ABCA12: variants seen among roughly 807,000 people sequenced by gnomAD.
ABCA12 encodes glucosylceramide transporter ABCA12.
In ABCA12, 156 loss-of-function variants were observed where a neutral mutation model predicts 293.5. That is an observed-to-expected ratio of 0.53 (90% CI 0.47 to 0.61). The LOEUF is 0.61. Ranked by LOEUF, ABCA12 falls within the 20% of genes least tolerant of loss-of-function variation. ABCA12 has a pLI of 0.00. For synonymous variants in ABCA12, 1,063 were observed against 1,108.0 expected (o/e 0.96, Z 0.81); for missense variants, 2,797 against 3,090.2 (o/e 0.91, Z 2.25).
chr2:214,942,699 CATTT>C (rs1340566887), intron 50 of ABCA12, among the ~76,000 whole-genome samples: 1 of 152,092 alleles, frequency 6.6e-6, no homozygotes, highest in Non-Finnish European at 1.5e-5. Flanking sequence ...AACTAAAATA[CATTT>C]ATGAGTTAAA....
At chr2:214,995,702 T>TAA (rs2105982611) in intron 23 of ABCA12, among the ~76,000 whole-genome samples, 1 of 152,320 alleles carries the variant, frequency 6.6e-6, no homozygotes, top group South Asian at 2.1e-4. Flanking sequence ...ATTCATTTCA[T>TAA]AAACACACTG....
At chr2:215,053,065 A>C (rs17430358) in intron 4 of ABCA12, among the ~76,000 whole-genome samples, 1 of 151,852 alleles carries the variant, frequency 6.6e-6, no homozygotes, top group Non-Finnish European at 1.5e-5. Context: ...TCTCTCCTCA[A>C]AGTGGTTTCT....
chr2:215,073,352 G>C (rs1701773887), intron 2 of ABCA12, among the ~76,000 whole-genome samples: 1 of 151,744 alleles, frequency 6.6e-6, no homozygotes, highest in South Asian at 2.1e-4. Context: ...TAGACCCCTA[G>C]AATCTCATTT....
Position 214,953,871 on chromosome 2 carries a change from G to A in ABCA12, c.6630C>T (p.Ser2210=). The part of the protein sequence containing the change: ...FFSLRLLINE[S]LIKKLRLFFR... The stretch of plus-strand genomic sequence containing the variant: ...ATATTTACCTGAGTTTCTTTATCAG[G>A]GATTCGTTGATTAAGAGTCGCAAGG... Residue 2210 remains serine (S), a synonymous_variant, in exon 44 of 53, where the codon TCC becomes TCT. Transcript: ENST00000272895. The A allele has an allele frequency of 6.2e-7, 1 of 1,613,770 alleles. No homozygotes were observed. The highest frequency in any genetic ancestry group is 8.5e-7 in the Non-Finnish European group (1 of 1,179,898).
At chr2:214,949,369 T>C (rs1166146988) in intron 45 of ABCA12, among the ~76,000 whole-genome samples, 1 of 143,420 alleles carries the variant, frequency 7.0e-6, no homozygotes, top group African/African-American at 2.9e-5. Flanking sequence ...TATATATATA[T>C]ATATATATAC....
chr2:215,012,740 TA>T (rs1030313695), intron 15 of ABCA12, among the ~76,000 whole-genome samples: 3 of 152,136 alleles, frequency 2.0e-5, no homozygotes, highest in African/African-American at 7.2e-5. Context: ...GTATATTTAC[TA>T]AAAAAATCAT....
chr2:214,947,182 G>A (rs369368868), intron 48 of ABCA12, among the ~76,000 whole-genome samples: 7 of 152,196 alleles, frequency 4.6e-5, no homozygotes, highest in South Asian at 2.1e-4. Flanking sequence ...CCTTGGAAAC[G>A]CACTAAGCTA....
chr2:215,131,733 T>C (rs1703063277), intron 1 of ABCA12, among the ~76,000 whole-genome samples: 1 of 118,620 alleles, frequency 8.4e-6, no homozygotes, highest in African/African-American at 2.9e-5. Flanking sequence ...GGCCTGAATC[T>C]CCTTTATTTT....
At chr2:215,107,943 G>A (rs1702495808) in intron 2 of ABCA12, among the ~76,000 whole-genome samples, 1 of 152,186 alleles carries the variant, frequency 6.6e-6, no homozygotes, top group Non-Finnish European at 1.5e-5. Context: ...GTGTGTTCTG[G>A]CCTTGCTCTT....
chr2:215,064,171 A>T lies in ABCA12; in HGVS notation c.212T>A (p.Leu71Gln), dbSNP rs776056801. Residue 71 changes from leucine (L) to glutamine (Q), a missense_variant, in exon 3 of 53, where the codon CTG (leucine) becomes CAG (glutamine). This residue lies in a region of ABCA12 where 656 missense variants were observed against 638.2 expected (regional missense o/e 1.03). Transcript: ENST00000272895. ...NLPSTGFFPF[L>Q]QTLLCDTDSK... ...GTCTGTGTCACAGAGTAGGGTCTGC[A>T]GGAATGGAAAGAATCCAGTACTAGG... 3.4e-5 allele frequency: 55 copies of T among 1,612,922 alleles called. No individual in the cohort carries two copies. The Admixed American group carries it at 8.9e-4, about 26-fold the overall frequency.
In ABCA12 at chr2:214,990,967, C is replaced by A. The variant is rs777907152; in HGVS notation, c.3359G>T (p.Gly1120Val). ...HFFAWLIESV[G>V]FLLVTIVILI... Reference sequence around the variant, plus strand: ...GATCACGATGGTAACCAGTAAAAATCCAACACTCTCTATAAGCCAGGCAAA... The same window carrying A: ...GATCACGATGGTAACCAGTAAAAATACAACACTCTCTATAAGCCAGGCAAA... The change falls in exon 24 of 53, where the codon GGA becomes GTA. Residue 1120 changes from glycine (G) to valine (V), a missense_variant. Gly to Val is a moderately radical substitution (Grantham distance 109). This residue lies in a region of ABCA12 where 2,130 missense variants were observed against 2,427.0 expected (regional missense o/e 0.88). Coordinates refer to ENST00000272895, the MANE Select transcript of ABCA12 (RefSeq NM_173076.3). 1.2e-6 allele frequency: 2 copies of A among 1,614,012 alleles called. No homozygotes were observed. Among genetic ancestry groups the A allele is most frequent in the South Asian group, 2.2e-5 (2 of 91,072 alleles).
intron 7 of ABCA12, among the ~76,000 whole-genome samples, chr2:215,040,974 T>C (rs182704168): frequency 6.6e-6 from 1 of 152,304 alleles, no homozygotes. Context: ...TACTAAGCCG[T>C]GCAACCTGCA....
At chr2:215,045,413 C>A (rs1039789320) in intron 7 of ABCA12, among the ~76,000 whole-genome samples, 3 of 152,136 alleles carry the variant, frequency 2.0e-5, no homozygotes, top group African/African-American at 7.2e-5. Flanking sequence ...AAACTCTTAC[C>A]AATATGGTTG....
intron 46 of ABCA12, 82 bp from the exon 47 acceptor site, chr2:214,948,819 A>G (rs940150463): frequency 2.3e-5 from 36 of 1,565,748 alleles, no homozygotes; most frequent in Admixed American, 5.0e-5. Flanking sequence ...AGGTAGCTCT[A>G]TTTTGGTCAT....
At chr2:215,093,407 C>T (rs1702187792) in intron 2 of ABCA12, among the ~76,000 whole-genome samples, 1 of 152,176 alleles carries the variant, frequency 6.6e-6, no homozygotes, top group Admixed American at 6.5e-5. Context: ...CCCCACTCCC[C>T]TTTCTGTTCC....
chr2:214,951,751 C>T (rs903920041), intron 44 of ABCA12, among the ~76,000 whole-genome samples: 8 of 152,004 alleles, frequency 5.3e-5, no homozygotes, highest in East Asian at 1.9e-4. Flanking sequence ...AGCAAGACTC[C>T]GTCTCAAAAA....
intron 38 of ABCA12, among the ~76,000 whole-genome samples, chr2:214,967,586 A>G (rs964585778): frequency 1.3e-5 from 2 of 152,196 alleles, no homozygotes; most frequent in African/African-American, 2.4e-5. Context: ...AGAAATTCAC[A>G]TGTTTGTGCA....
intron 2 of ABCA12, among the ~76,000 whole-genome samples, chr2:215,076,658 A>ACACACATG (rs1701840604): frequency 6.6e-6 from 1 of 152,196 alleles, no homozygotes; most frequent in Admixed American, 6.5e-5. Context: ...CTAGAAAAAC[A>ACACACATG]CACACATGTG....
intron 44 of ABCA12, 113 bp from the exon 45 acceptor site, chr2:214,951,196 T>C (rs962031998): frequency 6.5e-6 from 6 of 921,092 alleles, no homozygotes; most frequent in Non-Finnish European, 8.7e-6. Context: ...ATCATTAGAC[T>C]TCTTTTACAT....
Sources: gnomAD v4.1 joint callset for allele counts (sites outside exome capture counted in the v4.1 genomes callset) on GRCh38, gnomAD v4.1.1 for gene constraint, gnomAD v4.1.1 regional missense constraint, MANE v1.5 for transcripts, NCBI Gene and HGNC (gene_info 2026-07-23, HGNC 2026-07-21) for gene names.